Variants in OTOA observed in about 807,000 individuals in gnomAD.
The protein encoded by OTOA is cancer/testis antigen 108.
In OTOA, 70 loss-of-function variants were observed where a neutral mutation model predicts 110.8. That is an observed-to-expected ratio of 0.63 (90% CI 0.52 to 0.77). OTOA has a LOEUF of 0.77. OTOA is among the 30% of genes least tolerant of loss of function. The pLI is 0.00. For missense variants in OTOA, 917 were observed against 1,075.8 expected (o/e 0.85, Z 2.06); for synonymous variants, 373 against 431.5 (o/e 0.86, Z 1.68).
At chr16:21,674,714 T>C (rs1460144637) in intron 1 of OTOA, among the ~76,000 whole-genome samples, 1 of 151,820 alleles carries the variant, frequency 6.6e-6, no homozygotes, top group Non-Finnish European at 1.5e-5. Context: ...ATTTTCCTAA[T>C]GGCTAACAGT....
intron 8 of OTOA, among the ~76,000 whole-genome samples, chr16:21,690,714 G>A (rs1897812458): frequency 6.6e-6 from 1 of 152,090 alleles, no homozygotes; most frequent in African/African-American, 2.4e-5. Context: ...ACCCGATAAT[G>A]GGATTGCTGG....
intron 17 of OTOA, among the ~76,000 whole-genome samples, chr16:21,720,662 T>G (rs977404001): frequency 6.6e-6 from 1 of 152,168 alleles, no homozygotes; most frequent in Non-Finnish European, 1.5e-5. Flanking sequence ...ACTTTGCATT[T>G]CTAATCAGTT....
chr16:21,702,738 C>T (rs763405155), intron 11 of OTOA, among the ~76,000 whole-genome samples: 46 of 152,124 alleles, frequency 3.0e-4, no homozygotes, highest in Non-Finnish European at 6.2e-4. Context: ...TGCAGTAGCA[C>T]AATCTCGGCT....
At chr16:21,712,967 CTTTT>C (rs1176284061) in intron 13 of OTOA, among the ~76,000 whole-genome samples, 1 of 151,904 alleles carries the variant, frequency 6.6e-6, no homozygotes, top group Admixed American at 6.6e-5. Flanking sequence ...GTTTCTTCTT[CTTTT>C]TTTGTTTTTT....
chr16:21,700,827 G>A (rs1898037587), intron 10 of OTOA, 61 bp from the exon 11 acceptor site: 2 of 1,606,540 alleles, frequency 1.2e-6, no homozygotes, highest in African/African-American at 1.3e-5. Flanking sequence ...CACCAGGGTG[G>A]GGCCACACTG....
At chr16:21,698,000 C>T (rs748289320) in intron 10 of OTOA, 125 bp downstream of exon 10, 7 of 810,488 alleles carry the variant, frequency 8.6e-6, no homozygotes, top group Admixed American at 2.0e-5. Context: ...CTCCTCAGCC[C>T]AATAGACCTT....
chr16:21,707,934 C>T (rs1236483191), intron 12 of OTOA, among the ~76,000 whole-genome samples: 1 of 151,618 alleles, frequency 6.6e-6, no homozygotes, highest in Non-Finnish European at 1.5e-5. Flanking sequence ...GCTGGGACTA[C>T]AGGTGCACGC....
At chr16:21,705,918 G>T (rs2141681450) in intron 12 of OTOA, among the ~76,000 whole-genome samples, 1 of 151,666 alleles carries the variant, frequency 6.6e-6, no homozygotes, top group South Asian at 2.1e-4. Flanking sequence ...CAGCCTGGGT[G>T]ACAGAGTGAG....
chr16:21,683,571 G>A (rs1204014307), intron 6 of OTOA, among the ~76,000 whole-genome samples: 1 of 151,798 alleles, frequency 6.6e-6, no homozygotes, highest in African/African-American at 2.4e-5. Context: ...GCTGAGTGTG[G>A]TGGTGTGGCC....
At position 21,736,785 on chromosome 16, in the gene OTOA, G is replaced by A. The variant is rs373468872; in HGVS notation, c.2431+395G>A. Among the ~76,000 whole-genome samples, 5 of 152,286 alleles carry A rather than the reference G, an allele frequency of 3.3e-5. No individual in the cohort carries two copies. In the South Asian group the frequency reaches 1.0e-3, roughly 32 times the overall value. Reference sequence around the variant, plus strand: ...GGTGAAGGTTGCAGTGAGCTGAGATGGCACCACTGCACTCCAGCCTGGGTG... The same window carrying A: ...GGTGAAGGTTGCAGTGAGCTGAGATAGCACCACTGCACTCCAGCCTGGGTG... On this transcript the variant is annotated intron_variant, in intron 22 of 28. Transcript: ENST00000646100.
In OTOA at chr16:21,681,722, C is replaced by G; in HGVS notation, c.180-16C>G. 6.2e-7 allele frequency: 1 copy of G among 1,601,268 alleles called. No individual in the cohort carries two copies. The highest frequency in any genetic ancestry group is 8.6e-7 in the Non-Finnish European group (1 of 1,168,412). ...ATCTGTCATTGTGATCTTTTCCTGT[C>G]TGTCTTCAACTGAAGCTCCCACGTG... On this transcript the variant is annotated splice_polypyrimidine_tract_variant and intron_variant, in intron 5 of 28. Transcript: ENST00000646100.
chr16:21,696,520 T>C (rs1404307884), intron 9 of OTOA, among the ~76,000 whole-genome samples: 1 of 152,114 alleles, frequency 6.6e-6, no homozygotes, highest in South Asian at 2.1e-4. Context: ...TGATCCTTAC[T>C]AGTGGTAGTG....
intron 13 of OTOA, among the ~76,000 whole-genome samples, chr16:21,714,365 CTT>C (rs3054164): frequency 0.18 from 22,773 of 124,244 alleles, 3,237 homozygotes; most frequent in Non-Finnish European, 0.25. Context: ...TTCTCTCTTT[CTT>C]TCTCTCTCTT....
intron 11 of OTOA, 74 bp downstream of exon 11, chr16:21,701,101 A>G: frequency 6.2e-7 from 1 of 1,602,882 alleles, no homozygotes; most frequent in Non-Finnish European, 8.5e-7. Flanking sequence ...TCTGAGCAGC[A>G]AAACACCCAG....
chr16:21,720,157 T>C (rs1463725758), intron 17 of OTOA, among the ~76,000 whole-genome samples: 2 of 152,106 alleles, frequency 1.3e-5, no homozygotes, highest in Non-Finnish European at 2.9e-5. Context: ...GGTCTTGATA[T>C]GTTGCCCAGG....
chr16:21,719,533 A>G (rs781486273), intron 17 of OTOA, 29 bp downstream of exon 17: 3 of 1,588,264 alleles, frequency 1.9e-6, no homozygotes, highest in Non-Finnish European at 2.6e-6. Flanking sequence ...CCAGCTTCTA[A>G]TTCTCTCTCC....
At chr16:21,714,485 CCTCTCT>C (rs759140476) in intron 13 of OTOA, among the ~76,000 whole-genome samples, 1 of 111,696 alleles carries the variant, frequency 9.0e-6, no homozygotes. Context: ...CTTTCCTCTC[CCTCTCT>C]CTCTCTCTCT....
At chr16:21,673,586 C>T (rs1411776054) in intron 1 of OTOA, among the ~76,000 whole-genome samples, 1 of 152,198 alleles carries the variant, frequency 6.6e-6, no homozygotes, top group Non-Finnish European at 1.5e-5. Flanking sequence ...TTTCTTCCCT[C>T]TGCATAATTC....
rs215904 is a variant in OTOA, at chr16:21,716,808, G to T, written c.1489-99G>T. 0.45 allele frequency: 644,705 copies of T among 1,434,238 alleles called. 148,309 individuals are homozygous for T. The highest frequency in any genetic ancestry group is 0.48 in the Non-Finnish European group (489,293 of 1,028,226). 88.8% of individuals were successfully genotyped at this position (1,434,238 alleles called of 1,614,324 possible). A position where few individuals can be genotyped will look rare whatever the true frequency, so the allele number is the denominator to read the frequency against. ...TCCACTTCCTAGGGTTGCTGAGCGG[G>T]TCTGATGGATTTTATTGCCTGTGAT... On this transcript the variant is annotated intron_variant, in intron 14 of 28. Coordinates refer to ENST00000646100, the MANE Select transcript of OTOA (RefSeq NM_144672.4).
Sources: allele counts gnomAD v4.1 joint callset (sites outside exome capture counted in the v4.1 genomes callset), GRCh38; gene constraint gnomAD v4.1.1; transcripts MANE v1.5; gene names NCBI Gene and HGNC (gene_info 2026-07-23, HGNC 2026-07-21).